The following WWOX variants were observed in gnomAD, a reference collection of about 807,000 sequenced individuals.
WWOX encodes the protein WW domain containing oxidoreductase, also known as WW domain-containing oxidoreductase.
A neutral mutation model predicts 46.2 loss-of-function variants in WWOX; 69 were observed. The observed-to-expected ratio is 1.49, with a 90% CI of 1.23 to 1.82. The LOEUF (loss-of-function observed/expected upper bound fraction) is 1.82, where lower values mean the gene tolerates loss of function less well. Among genes scored for constraint, WWOX ranks in the 40% most tolerant of loss-of-function variants. The pLI, the probability that WWOX is intolerant of heterozygous loss-of-function variation, is 0.00. For missense variants in WWOX, 919 were observed against 542.6 expected, an observed-to-expected ratio of 1.69 and a Z score of -6.89; for synonymous variants, 359 against 202.6, an observed-to-expected ratio of 1.77 and a Z score of -6.56.
chr16:78,539,022 G>A (rs867839439), intron 8 of WWOX, among the ~76,000 whole-genome samples: 1 of 152,328 alleles, frequency 6.6e-6, no homozygotes. Flanking sequence ...TGGTAAGGAA[G>A]CAATTCAGAG....
intron 8 of WWOX, among the ~76,000 whole-genome samples, chr16:79,045,694 C>T (rs997413738): frequency 8.0e-5 from 12 of 149,480 alleles, no homozygotes; most frequent in African/African-American, 2.9e-4. Flanking sequence ...TGGGTTAACA[C>T]AGTGTGTGTG....
intron 8 of WWOX, among the ~76,000 whole-genome samples, chr16:78,867,675 G>A (rs2044035563): frequency 6.6e-6 from 1 of 151,998 alleles, no homozygotes; most frequent in Admixed American, 6.6e-5. Context: ...CGAGTAGCTG[G>A]GATTTCAGGT....
At chr16:78,936,598 C>T (rs974006131) in intron 8 of WWOX, among the ~76,000 whole-genome samples, 3 of 152,126 alleles carry the variant, frequency 2.0e-5, no homozygotes, top group Non-Finnish European at 4.4e-5. Flanking sequence ...GGCTGGTACA[C>T]CCTGGGCAAG....
chr16:78,978,386 C>T (rs1286346053), intron 8 of WWOX, among the ~76,000 whole-genome samples: 1 of 152,116 alleles, frequency 6.6e-6, no homozygotes, highest in East Asian at 1.9e-4. Context: ...CGCAGTAATT[C>T]TTTTTAACTT....
At chr16:78,258,707 CAAAAAAA>C (rs11396946) in intron 5 of WWOX, among the ~76,000 whole-genome samples, 2 of 69,594 alleles carry the variant, frequency 2.9e-5, no homozygotes, top group South Asian at 6.4e-4. Context: ...TTCCTCCCTC[CAAAAAAA>C]AAAAAAAAAA....
intron 8 of WWOX, among the ~76,000 whole-genome samples, chr16:78,527,991 CT>C (rs71140808): frequency 1.3e-3 from 47 of 34,864 alleles, no homozygotes; most frequent in East Asian, 0.012. Context: ...GGTACATGTC[CT>C]TTTTTTTTTT....
chr16:78,199,312 C>T (rs541136401), intron 5 of WWOX, among the ~76,000 whole-genome samples: 4 of 41,646 alleles, frequency 9.6e-5, no homozygotes, highest in African/African-American at 5.9e-4. Flanking sequence ...GACTCCATCT[C>T]AAACAAACAA....
chr16:78,760,042 C>G (rs1201451173), intron 8 of WWOX, among the ~76,000 whole-genome samples: 1 of 152,140 alleles, frequency 6.6e-6, no homozygotes, highest in Non-Finnish European at 1.5e-5. Flanking sequence ...TCTGTGTTCA[C>G]ACTAGTGATA....
intron 5 of WWOX, among the ~76,000 whole-genome samples, chr16:78,293,959 AGAGT>A (rs1034276502): frequency 7.8e-5 from 10 of 128,288 alleles, no homozygotes; most frequent in Non-Finnish European, 1.4e-4. Flanking sequence ...CCTGGGCGAC[AGAGT>A]GAGACTCTGT....
At chr16:78,867,846 C>T (rs979222064) in intron 8 of WWOX, among the ~76,000 whole-genome samples, 3 of 152,300 alleles carry the variant, frequency 2.0e-5, no homozygotes, top group East Asian at 1.9e-4. Context: ...CAGACCATGA[C>T]ATGCCTACTA....
intron 8 of WWOX, among the ~76,000 whole-genome samples, chr16:78,549,408 T>C (rs540907681): frequency 6.6e-6 from 1 of 152,326 alleles, no homozygotes; most frequent in East Asian, 1.9e-4. Flanking sequence ...CACTTTTTTA[T>C]ATTATTCATG....
intron 8 of WWOX, among the ~76,000 whole-genome samples, chr16:78,514,862 C>G (rs1054023237): frequency 6.6e-6 from 1 of 152,122 alleles, no homozygotes; most frequent in Non-Finnish European, 1.5e-5. Context: ...TATTTGAGTG[C>G]TGGGAATACA....
At chr16:78,436,351 C>T (rs950452823) in intron 8 of WWOX, among the ~76,000 whole-genome samples, 2 of 152,164 alleles carry the variant, frequency 1.3e-5, no homozygotes, top group Non-Finnish European at 2.9e-5. Context: ...TGATCTCCAA[C>T]CTGCACGTCT....
intron 8 of WWOX, among the ~76,000 whole-genome samples, chr16:78,783,698 C>T (rs112912148): frequency 7.4e-5 from 11 of 149,146 alleles, no homozygotes; most frequent in Admixed American, 5.4e-4. Context: ...TGATGATGAT[C>T]ATGGTGATGA....
chr16:78,994,518 A>C (rs1265098116), intron 8 of WWOX: 1 of 152,232 alleles, frequency 6.6e-6, no homozygotes, highest in Non-Finnish European at 1.5e-5. Flanking sequence ...ATGCAATGCG[A>C]ATGGTCTTGT....
rs73562775 is a variant in WWOX, at chr16:78,108,252, C to G, written c.108-171C>G. On this transcript the variant is annotated intron_variant, in intron 1 of 8. Transcript: ENST00000566780. ...CCTCTAGATATTTTGAGTGATTCAG[C>G]AAACCTCCTAAAGTTGACCCCGTAG... 0.018 allele frequency among the ~76,000 whole-genome samples: 2,782 copies of G among 150,892 alleles called. 95 individuals carry two copies. Among genetic ancestry groups the G allele is most frequent in the African/African-American group, 0.064 (2,632 of 40,964 alleles).
chr16:78,523,357 C>T (rs541068409), intron 8 of WWOX, among the ~76,000 whole-genome samples: 443 of 152,306 alleles, frequency 2.9e-3, no homozygotes, highest in Non-Finnish European at 4.8e-3. Context: ...TGCTGAGAGC[C>T]CTGCTTCCCC....
chr16:79,141,066 G>A (rs1403994465), intron 8 of WWOX, among the ~76,000 whole-genome samples: 2 of 152,186 alleles, frequency 1.3e-5, no homozygotes, highest in African/African-American at 4.8e-5. Flanking sequence ...GAAAAGTCAA[G>A]CTGGGAACTG....
intron 8 of WWOX, among the ~76,000 whole-genome samples, chr16:78,919,014 G>A (rs1374640520): frequency 6.6e-6 from 1 of 152,134 alleles, no homozygotes; most frequent in Admixed American, 6.5e-5. Flanking sequence ...CGTGGTGTCA[G>A]GTAGTGTGTA....
Sources: gnomAD v4.1 joint callset for allele counts (sites outside exome capture counted in the v4.1 genomes callset) on GRCh38, gnomAD v4.1.1 for gene constraint, MANE v1.5 for transcripts, NCBI Gene and HGNC (gene_info 2026-07-23, HGNC 2026-07-21) for gene names.